The following ZBTB8OS variants were observed in gnomAD, a reference collection of about 807,000 sequenced individuals.
The protein encoded by ZBTB8OS is tRNA splicing ligase complex subunit 1, also known as tRNA-splicing ligase-activating factor archease.
Under a neutral mutation model 29.3 loss-of-function variants are expected in ZBTB8OS, and 16 were observed. The ratio of observed to expected loss-of-function variants is 0.55; its 90% CI spans 0.37 to 0.83. The LOEUF (loss-of-function observed/expected upper bound fraction) is 0.83, where lower values mean the gene tolerates loss of function less well. Ranked by LOEUF, ZBTB8OS falls within the 40% of genes least tolerant of loss-of-function variation. The pLI is 0.00. For synonymous variants in ZBTB8OS, 70 were observed against 64.6 expected (o/e 1.08, Z -0.40); for missense variants, 160 against 196.9 (o/e 0.81, Z 1.12).
intron 1 of ZBTB8OS, among the ~76,000 whole-genome samples, chr1:32,647,130 G>A (rs972895394): frequency 3.3e-5 from 5 of 150,546 alleles, no homozygotes; most frequent in African/African-American, 4.9e-5. Flanking sequence ...CGAGGCGGGC[G>A]GATCACCTGA....
At chr1:32,640,168 C>T (rs2148422641) in intron 1 of ZBTB8OS, 2 of 152,274 alleles carry the variant, frequency 1.3e-5, no homozygotes, top group South Asian at 4.2e-4. Context: ...GCAATATCAG[C>T]TCACTGCAAC....
intron 1 of ZBTB8OS, among the ~76,000 whole-genome samples, chr1:32,635,590 C>T (rs527425700): frequency 5.3e-5 from 8 of 152,154 alleles, no homozygotes; most frequent in African/African-American, 1.9e-4. Context: ...ACATGACTTT[C>T]ATCAATTCTT....
chr1:32,622,725 G>A (rs1644840643), intron 6 of ZBTB8OS, among the ~76,000 whole-genome samples: 1 of 147,610 alleles, frequency 6.8e-6, no homozygotes, highest in African/African-American at 2.5e-5. Context: ...AATAAAAGTT[G>A]GAAAGAAAAA....
At chr1:32,650,262 T>G in intron 1 of ZBTB8OS, 171 bp downstream of exon 1, 2 of 865,668 alleles carry the variant, frequency 2.3e-6, no homozygotes, top group Non-Finnish European at 3.4e-6. Flanking sequence ...GGTGGCTTTT[T>G]CCTTCAGCAT....
intron 6 of ZBTB8OS, among the ~76,000 whole-genome samples, chr1:32,626,974 T>G (rs2148320252): frequency 6.6e-6 from 1 of 152,326 alleles, no homozygotes; most frequent in East Asian, 1.9e-4. Flanking sequence ...ACAAGTGAAC[T>G]CATTCATTTA....
In ZBTB8OS at chr1:32,622,011, T is replaced by G. The variant is rs186374932; in HGVS notation, c.418-63A>C. 2.2e-5 allele frequency: 26 copies of G among 1,186,848 alleles called. No individual in the cohort carries two copies. The East Asian group carries it at 6.3e-4, about 29-fold the overall frequency. 73.5% of individuals were successfully genotyped at this position (1,186,848 alleles called of 1,614,324 possible). A position where few individuals can be genotyped will look rare whatever the true frequency, so the allele number is the denominator to read the frequency against. ...AAATAGGATATTGAAATCATAATCA[T>G]TAACTCTAGCAACAATCAGCAGAAA... On this transcript the variant is annotated intron_variant, in intron 6 of 6. Coordinates refer to ENST00000468695, the MANE Select transcript of ZBTB8OS (RefSeq NM_178547.5).
At chr1:32,627,879 T>TA in intron 5 of ZBTB8OS, 1 of 203,542 alleles carries the variant, frequency 4.9e-6, no homozygotes, top group Non-Finnish European at 9.8e-6. Context: ...TACACAAAAT[T>TA]AAAAAAATAA....
intron 1 of ZBTB8OS, among the ~76,000 whole-genome samples, chr1:32,639,030 G>T (rs1224603375): frequency 6.6e-6 from 1 of 151,322 alleles, no homozygotes; most frequent in African/African-American, 2.4e-5. Context: ...AGGCGCATTG[G>T]TTTACACCTG....
chr1:32,621,341 G>C lies in ZBTB8OS; in HGVS notation c.*521C>G, dbSNP rs1178866473. 6.7e-6 allele frequency: 1 copy of C among 149,546 alleles called. No homozygotes were observed. Among genetic ancestry groups the C allele is most frequent in the African/African-American group, 2.5e-5 (1 of 40,422 alleles). The allele number at this position is 149,546 out of a possible 1,614,324, so 9.3% of individuals were successfully genotyped here. A position where few individuals can be genotyped will look rare whatever the true frequency, so the allele number is the denominator to read the frequency against. Reference sequence around the variant, plus strand: ...GTGAACCCGGGAGGTGGAGCTTGCAGTAAGCCGAGCTCACACCACTGCGCT... The same window carrying C: ...GTGAACCCGGGAGGTGGAGCTTGCACTAAGCCGAGCTCACACCACTGCGCT... On this transcript the variant is annotated 3_prime_UTR_variant, in exon 7 of 7. Coordinates refer to ENST00000468695, the MANE Select transcript of ZBTB8OS (RefSeq NM_178547.5).
intron 5 of ZBTB8OS, among the ~76,000 whole-genome samples, chr1:32,628,276 GA>G (rs1307726905): frequency 6.6e-6 from 1 of 151,510 alleles, no homozygotes; most frequent in Admixed American, 6.6e-5. Flanking sequence ...AGAATCGCTT[GA>G]ACCCAGGAGG....
chr1:32,645,401 C>T (rs1471981016), intron 1 of ZBTB8OS, among the ~76,000 whole-genome samples: 1 of 152,174 alleles, frequency 6.6e-6, no homozygotes, highest in Non-Finnish European at 1.5e-5. Context: ...ACTCAGGAGG[C>T]TGAGGTGGGA....
chr1:32,631,709 C>T, intron 5 of ZBTB8OS, 118 bp downstream of exon 5: 1 of 713,504 alleles, frequency 1.4e-6, no homozygotes, highest in Non-Finnish European at 2.3e-6. Flanking sequence ...CTTAGACATC[C>T]CACAAAACTC....
intron 1 of ZBTB8OS, among the ~76,000 whole-genome samples, chr1:32,638,065 AATC>A (rs949709747): frequency 2.6e-5 from 4 of 151,810 alleles, no homozygotes; most frequent in Non-Finnish European, 5.9e-5. Context: ...TCAAACGTCT[AATC>A]TCAGGTGAAC....
At chr1:32,639,562 C>T (rs1165340481) in intron 1 of ZBTB8OS, among the ~76,000 whole-genome samples, 1 of 152,084 alleles carries the variant, frequency 6.6e-6, no homozygotes, top group Admixed American at 6.6e-5. Context: ...GAGTTCAAGA[C>T]TAGCCTGGAC....
Position 32,650,541 on chromosome 1 carries a change from T to C in ZBTB8OS, c.-12A>G. 6.2e-7 allele frequency: 1 copy of C among 1,614,144 alleles called. No individual in the cohort carries two copies. Among genetic ancestry groups the C allele is most frequent in the Non-Finnish European group, 8.5e-7 (1 of 1,180,014 alleles). On this transcript the variant is annotated 5_prime_UTR_variant, in exon 1 of 7. Transcript: ENST00000468695. Reference sequence around the variant, plus strand: ...TCTTCCTGCGCCATGACTGCAGGATTAGACACTCTACTTCCGCCCTTCATC... The same window carrying C: ...TCTTCCTGCGCCATGACTGCAGGATCAGACACTCTACTTCCGCCCTTCATC...
chr1:32,650,549 C>G lies in ZBTB8OS; in HGVS notation c.-20G>C, dbSNP rs374914167. On this transcript the variant is annotated 5_prime_UTR_variant, in exon 1 of 7. Transcript: ENST00000468695. ...CGCCATGACTGCAGGATTAGACACTCTACTTCCGCCCTTCATCCACCGGAC... is the reference window on the plus strand; with the variant it reads ...CGCCATGACTGCAGGATTAGACACTGTACTTCCGCCCTTCATCCACCGGAC... 720 of 1,614,124 alleles carry G rather than the reference C, an allele frequency of 4.5e-4. 11 individuals are homozygous for G. The South Asian group carries it at 7.5e-3, about 17-fold the overall frequency.
chr1:32,622,213 GT>G (rs1029296372), intron 6 of ZBTB8OS, among the ~76,000 whole-genome samples: 4 of 152,152 alleles, frequency 2.6e-5, no homozygotes, highest in African/African-American at 9.7e-5. Flanking sequence ...TGTCTGGCCT[GT>G]CTGGACATCA....
chr1:32,639,376 G>A (rs912968335), intron 1 of ZBTB8OS, among the ~76,000 whole-genome samples: 1 of 151,818 alleles, frequency 6.6e-6, no homozygotes. Flanking sequence ...TCACAGGCAC[G>A]ACCATAGTAC....
intron 1 of ZBTB8OS, among the ~76,000 whole-genome samples, chr1:32,646,336 A>C (rs74391317): frequency 6.6e-6 from 1 of 150,394 alleles, no homozygotes; most frequent in East Asian, 2.0e-4. Context: ...AAAAAAAAAG[A>C]TTTTTTTTTC....
Sources: gnomAD v4.1 joint callset for allele counts (sites outside exome capture counted in the v4.1 genomes callset) on GRCh38, gnomAD v4.1.1 for gene constraint, MANE v1.5 for transcripts, NCBI Gene and HGNC (gene_info 2026-07-23, HGNC 2026-07-21) for gene names.